The following BCKDHB variants were observed in gnomAD, a reference collection of about 807,000 sequenced individuals.
BCKDHB encodes branched chain keto acid dehydrogenase E1 subunit beta, also known as 2-oxoisovalerate dehydrogenase subunit beta, mitochondrial.
A neutral mutation model predicts 48.5 loss-of-function variants in BCKDHB; 41 were observed. That is an observed-to-expected ratio of 0.85 (90% CI 0.66 to 1.10). The LOEUF (loss-of-function observed/expected upper bound fraction) is 1.10, where lower values mean the gene tolerates loss of function less well. Among genes scored for constraint, BCKDHB ranks in the 50% least tolerant of loss-of-function variants. The pLI, the probability that BCKDHB is intolerant of heterozygous loss-of-function variation, is 0.00. For missense variants in BCKDHB, 496 were observed against 494.2 expected (o/e 1.00, Z -0.03); for synonymous variants, 201 against 174.8 (o/e 1.15, Z -1.18).
chr6:80,207,858 A>G (rs1006598665), intron 8 of BCKDHB, among the ~76,000 whole-genome samples: 1 of 151,838 alleles, frequency 6.6e-6, no homozygotes, highest in East Asian at 1.9e-4. Context: ...ATAAAGCCAT[A>G]AACTAAACAA....
At position 80,117,359 on chromosome 6, in the gene BCKDHB, A is replaced by G. The variant is rs562561416; in HGVS notation, c.197-10188A>G. The stretch of plus-strand genomic sequence containing the variant: ...TTATTAAAGTCTTTGCTTCCTCCCT[A>G]CTAATAACTTGCTGAGCATCAGTGC... On this transcript the variant is annotated intron_variant, in intron 1 of 9. Transcript: ENST00000320393. Among the ~76,000 whole-genome samples, 29 of 152,366 alleles carry G rather than the reference A, an allele frequency of 1.9e-4. 1 individual carries two copies. Among genetic ancestry groups the G allele is most frequent in the East Asian group, 1.2e-3 (6 of 5,192 alleles).
chr6:80,371,297 A>G, the BCKDHB span, among the ~76,000 whole-genome samples: 575 of 152,090 alleles, frequency 3.8e-3, 7 homozygotes, highest in African/African-American at 0.013. Context: ...TTTTTTGAGA[A>G]CTGTCTATTC....
At chr6:80,258,032 A>G (rs1268098299) in intron 8 of BCKDHB, among the ~76,000 whole-genome samples, 1 of 152,216 alleles carries the variant, frequency 6.6e-6, no homozygotes, top group African/African-American at 2.4e-5. Flanking sequence ...TTGTTTATAT[A>G]TAAGAATAAT....
the BCKDHB span, among the ~76,000 whole-genome samples, chr6:80,450,347 G>T: frequency 6.6e-6 from 1 of 152,026 alleles, no homozygotes; most frequent in East Asian, 1.9e-4. Context: ...TTCTTAGAAA[G>T]AAACATTTAA....
In BCKDHB at chr6:80,292,013, T is replaced by C. The variant is rs148432803; in HGVS notation, c.1038+18792T>C. Among the ~76,000 whole-genome samples, 349 of 152,304 alleles carry C rather than the reference T, an allele frequency of 2.3e-3. 6 individuals carry two copies. Among genetic ancestry groups the C allele is most frequent in the East Asian group, 9.7e-4 (5 of 5,170 alleles). ...TGAGCCCTGCCATGGGTTTGTACCC[T>C]CAAGGACCTAGGAGTTGGGTAAATT... On this transcript the variant is annotated intron_variant, in intron 9 of 9. Coordinates refer to ENST00000320393, the MANE Select transcript of BCKDHB (RefSeq NM_183050.4).
chr6:80,151,210 A>G (rs1346427487), intron 3 of BCKDHB, among the ~76,000 whole-genome samples: 4 of 152,106 alleles, frequency 2.6e-5, no homozygotes, highest in Non-Finnish European at 5.9e-5. Flanking sequence ...TTCTGATTCT[A>G]TTTTTATTTA....
At chr6:80,109,314 A>C (rs1229166318) in intron 1 of BCKDHB, among the ~76,000 whole-genome samples, 1 of 152,258 alleles carries the variant, frequency 6.6e-6, no homozygotes, top group Non-Finnish European at 1.5e-5. Context: ...AGAATCAAGC[A>C]TTCAGTCAAT....
At chr6:80,320,282 T>C (rs1768653762) in intron 9 of BCKDHB, among the ~76,000 whole-genome samples, 1 of 152,224 alleles carries the variant, frequency 6.6e-6, no homozygotes, top group Admixed American at 6.5e-5. Flanking sequence ...CGCAACAGGT[T>C]TTGATAATTT....
the BCKDHB span, among the ~76,000 whole-genome samples, chr6:80,381,064 A>G: frequency 2.0e-5 from 3 of 152,040 alleles, no homozygotes; most frequent in Admixed American, 2.0e-4. Flanking sequence ...AGGTAGGTAT[A>G]TAATTCAGAC....
the BCKDHB span, among the ~76,000 whole-genome samples, chr6:80,393,317 A>T: frequency 6.6e-6 from 1 of 152,148 alleles, no homozygotes; most frequent in African/African-American, 2.4e-5. Context: ...TCCAAAATTC[A>T]TATCTTTAAA....
the BCKDHB span, among the ~76,000 whole-genome samples, chr6:80,362,001 T>G: frequency 6.6e-6 from 1 of 152,094 alleles, no homozygotes; most frequent in African/African-American, 2.4e-5. Context: ...ATTTATTGTA[T>G]TATTATTTAG....
Position 80,342,556 on chromosome 6 carries a change from G to GAAAAAAAAAAAAAAAAAAAAAAAAAA in BCKDHB, c.1039-1085_1039-1084insAAAAAAAAAAAAAAAAAAAAAAAAAA, listed in dbSNP as rs34127398. On this transcript the variant is annotated intron_variant, in intron 9 of 9. Transcript: ENST00000320393. ...GGCAACATAAGAAGACCTCATTTCT[G>GAAAAAAAAAAAAAAAAAAAAAAAAAA]AAAAAAAAAAAAAAAAAAAAAAAGA... is the stretch of plus-strand genomic sequence containing the variant. Among the ~76,000 whole-genome samples the GAAAAAAAAAAAAAAAAAAAAAAAAAA allele has an allele frequency of 1.2e-4, 3 of 24,100 alleles. 1 individual carries two copies. Among genetic ancestry groups the GAAAAAAAAAAAAAAAAAAAAAAAAAA allele is most frequent in the African/African-American group, 1.6e-4 (1 of 6,160 alleles). 15.8% of individuals were successfully genotyped at this position (24,100 alleles called of 152,430 possible).
intron 9 of BCKDHB, among the ~76,000 whole-genome samples, chr6:80,295,770 A>G (rs1395026068): frequency 6.6e-6 from 1 of 152,010 alleles, no homozygotes; most frequent in East Asian, 1.9e-4. Context: ...TCCTCTTTAT[A>G]AAACCATCAG....
the BCKDHB span, among the ~76,000 whole-genome samples, chr6:80,393,007 ACTCT>A: frequency 6.6e-6 from 1 of 151,300 alleles, no homozygotes; most frequent in African/African-American, 2.4e-5. Flanking sequence ...TCTAATATTG[ACTCT>A]CTAATACATG....
intron 1 of BCKDHB, among the ~76,000 whole-genome samples, chr6:80,118,779 T>A (rs1769843421): frequency 6.6e-6 from 1 of 152,080 alleles, no homozygotes; most frequent in African/African-American, 2.4e-5. Flanking sequence ...GGATCCACTT[T>A]TTTTTTTGAA....
Position 80,174,289 on chromosome 6 carries a change from C to G in BCKDHB, c.742+2899C>G, listed in dbSNP as rs77024417. Among the ~76,000 whole-genome samples, 8 of 152,060 alleles carry G rather than the reference C, an allele frequency of 5.3e-5. No individual in the cohort carries two copies. The East Asian group carries it at 1.5e-3, about 29-fold the overall frequency. On this transcript the variant is annotated intron_variant, in intron 6 of 9. Coordinates refer to ENST00000320393, the MANE Select transcript of BCKDHB (RefSeq NM_183050.4). ...TAGAATTATTATAAATACTGGCTGA[C>G]ATTTATATAAAAATAATTGGGAGTT... is the stretch of plus-strand genomic sequence containing the variant.
At chr6:80,403,435 T>A in the BCKDHB span, among the ~76,000 whole-genome samples, 1 of 152,002 alleles carries the variant, frequency 6.6e-6, no homozygotes, top group Non-Finnish European at 1.5e-5. Flanking sequence ...TGATTTTGTA[T>A]TCTGCAAGTT....
chr6:80,176,764 G>T (rs1232409314), intron 6 of BCKDHB, among the ~76,000 whole-genome samples: 3 of 152,100 alleles, frequency 2.0e-5, no homozygotes, highest in African/African-American at 7.2e-5. Context: ...AAAACTGTTG[G>T]AAGGAAACAA....
At chr6:80,258,622 A>G (rs1777158308) in intron 8 of BCKDHB, among the ~76,000 whole-genome samples, 1 of 152,204 alleles carries the variant, frequency 6.6e-6, no homozygotes, top group African/African-American at 2.4e-5. Flanking sequence ...GAGAGTGAGT[A>G]CCTGCCTTTT....
Sources: allele counts gnomAD v4.1 joint callset (sites outside exome capture counted in the v4.1 genomes callset), GRCh38; gene constraint gnomAD v4.1.1; transcripts MANE v1.5; gene names NCBI Gene and HGNC (gene_info 2026-07-23, HGNC 2026-07-21).